KAT6B: variants seen among roughly 807,000 people sequenced by gnomAD.
KAT6B encodes the protein histone acetyltransferase KAT6B.
Under a neutral mutation model 187.5 loss-of-function variants are expected in KAT6B, and 10 were observed. That is an observed-to-expected ratio of 0.05 (90% CI 0.03 to 0.09). The LOEUF (loss-of-function observed/expected upper bound fraction) is 0.09. Among genes scored for constraint, KAT6B ranks in the 10% least tolerant of loss-of-function variants. The pLI, the probability that KAT6B is intolerant of heterozygous loss-of-function variation, is 1.00. For synonymous variants in KAT6B, 861 were observed against 926.8 expected (o/e 0.93, Z 1.29); for missense variants, 1,952 against 2,558.9 (o/e 0.76, Z 5.12).
intron 3 of KAT6B, among the ~76,000 whole-genome samples, chr10:74,851,419 C>T (rs1260860100): frequency 7.3e-5 from 11 of 151,718 alleles, no homozygotes; most frequent in South Asian, 2.1e-4. Context: ...CTACAACCTC[C>T]GCCTCCCTGG....
intron 3 of KAT6B, among the ~76,000 whole-genome samples, chr10:74,848,470 A>C (rs1348082321): frequency 2.0e-5 from 3 of 152,036 alleles, no homozygotes; most frequent in Admixed American, 2.0e-4. Context: ...GAGGCACTGC[A>C]CTCCAGCCTG....
At chr10:74,838,144 A>G (rs1031397187) in intron 1 of KAT6B, among the ~76,000 whole-genome samples, 1 of 152,200 alleles carries the variant, frequency 6.6e-6, no homozygotes, top group Non-Finnish European at 1.5e-5. Flanking sequence ...GTGTCAATAC[A>G]TATTTACTAT....
chr10:74,941,429 A>G (rs1849661463), intron 3 of KAT6B, among the ~76,000 whole-genome samples: 1 of 152,226 alleles, frequency 6.6e-6, no homozygotes, highest in African/African-American at 2.4e-5. Context: ...AAATTTAGAA[A>G]TCTGTAGCTA....
At chr10:74,970,705 A>G (rs1165514403) in intron 6 of KAT6B, among the ~76,000 whole-genome samples, 1 of 152,208 alleles carries the variant, frequency 6.6e-6, no homozygotes, top group Admixed American at 6.5e-5. Flanking sequence ...TATAAAATCC[A>G]TAATTTACAT....
rs1390141952 is a variant in KAT6B, at chr10:75,029,393, C to A, written c.4569C>A (p.Val1523=). The stretch of plus-strand genomic sequence containing the variant: ...AGGACCAAAAGAACAGCAAGGAAGT[C>A]GATACAGAGTTCAAAGAGGGAAACC... ...QKQDQKNSKE[V]DTEFKEGNPA... The change falls in exon 18 of 18, where the codon GTC becomes GTA. Residue 1523 remains valine (V), a synonymous_variant. Transcript: ENST00000287239. This position sits in a 1 kb window ranked among gnomAD's most constrained non-coding sequence, Gnocchi z 6.2. 1.2e-6 allele frequency: 2 copies of A among 1,613,904 alleles called. No individual in the cohort carries two copies. The highest frequency in any genetic ancestry group is 2.7e-5 in the African/African-American group (2 of 74,856).
intron 4 of KAT6B, among the ~76,000 whole-genome samples, chr10:74,960,721 A>C (rs1841042833): frequency 6.6e-6 from 1 of 152,184 alleles, no homozygotes; most frequent in African/African-American, 2.4e-5. Flanking sequence ...CCTCATTAGA[A>C]AATTAGAGAT....
chr10:74,900,463 G>C (rs1308030609), intron 3 of KAT6B, among the ~76,000 whole-genome samples: 2 of 152,218 alleles, frequency 1.3e-5, no homozygotes, highest in African/African-American at 4.8e-5. Context: ...TGGCTGTCTT[G>C]TTGGGGGTGG....
chr10:75,003,953 A>G (rs377199536), intron 13 of KAT6B, among the ~76,000 whole-genome samples: 3 of 152,308 alleles, frequency 2.0e-5, no homozygotes. Context: ...AACATTGTAA[A>G]TATGAAACAT....
At position 75,025,220 on chromosome 10, in the gene KAT6B, A is replaced by C; in HGVS notation, c.3635A>C (p.His1212Pro). 1 of 1,614,222 alleles carries C rather than the reference A, an allele frequency of 6.2e-7. No individual in the cohort carries two copies. Among genetic ancestry groups the C allele is most frequent in the Non-Finnish European group, 8.5e-7 (1 of 1,180,044 alleles). ...QTEEEEGKDN[H>P]CFKNADPCRN... ...GAGGAAGAGGAAGGAAAAGACAATCATTGCTTCAAGAATGCTGACCCTTGT... is the reference window on the plus strand; with the variant it reads ...GAGGAAGAGGAAGGAAAAGACAATCCTTGCTTCAAGAATGCTGACCCTTGT... The change falls in exon 17 of 18, where the codon CAT (histidine) becomes CCT (proline). Residue 1212 changes from histidine to proline, a missense_variant. Transcript: ENST00000287239.
intron 1 of KAT6B, among the ~76,000 whole-genome samples, chr10:74,835,076 G>A (rs1841184765): frequency 6.6e-6 from 1 of 152,158 alleles, no homozygotes; most frequent in South Asian, 2.1e-4. Flanking sequence ...TAGTCTAGTA[G>A]GGGTGACAAG....
chr10:74,826,219 A>C (rs1443971251), upstream of KAT6B, among the ~76,000 whole-genome samples: 1 of 151,384 alleles, frequency 6.6e-6, no homozygotes, highest in Non-Finnish European at 1.5e-5. Context: ...CTCTGCTGCG[A>C]GTAGACCCAA....
At chr10:74,833,263 A>G (rs1305618342) in intron 1 of KAT6B, among the ~76,000 whole-genome samples, 2 of 152,274 alleles carry the variant, frequency 1.3e-5, no homozygotes, top group East Asian at 1.9e-4. Context: ...AGGAATTTTT[A>G]AATGCCAAAA....
At chr10:74,835,568 CTG>C (rs1233234892) in intron 1 of KAT6B, among the ~76,000 whole-genome samples, 1 of 152,156 alleles carries the variant, frequency 6.6e-6, no homozygotes, top group African/African-American at 2.4e-5. Context: ...TTGAAAACCT[CTG>C]GAGAGACAGA....
rs1432825655 is a variant in KAT6B at position 75,030,475 on chromosome 10, T to A, written c.5651T>A (p.Leu1884Gln). The change falls in exon 18 of 18, where the codon CTG becomes CAG. Residue 1884 changes from leucine to glutamine, a missense_variant. This residue lies in a region of KAT6B where 358 missense variants were observed against 436.3 expected (regional missense o/e 0.82). Coordinates refer to ENST00000287239, the MANE Select transcript of KAT6B (RefSeq NM_012330.4). This position sits in a 1 kb window ranked among gnomAD's most constrained non-coding sequence, Gnocchi z 4.8. ...AQATMTPPPN[L>Q]TPPPMNLPPP... ...GCTACCATGACCCCACCCCCCAACC[T>A]GACTCCTCCTCCAATGAATCTGCCG... 6.2e-7 allele frequency: 1 copy of A among 1,612,920 alleles called. No individual in the cohort carries two copies.
chr10:74,852,191 A>C (rs1358698601), intron 3 of KAT6B, among the ~76,000 whole-genome samples: 1 of 152,146 alleles, frequency 6.6e-6, no homozygotes, highest in Non-Finnish European at 1.5e-5. Flanking sequence ...TTTCCTTTGA[A>C]TTGGTATCCT....
At chr10:74,977,681 T>G (rs1004197933) in intron 9 of KAT6B, among the ~76,000 whole-genome samples, 1 of 152,212 alleles carries the variant, frequency 6.6e-6, no homozygotes, top group African/African-American at 2.4e-5. Flanking sequence ...TAGCATTAGT[T>G]GAGGCAGATT....
intron 12 of KAT6B, among the ~76,000 whole-genome samples, chr10:74,988,793 G>A (rs1377644890): frequency 6.6e-6 from 1 of 152,116 alleles, no homozygotes; most frequent in Non-Finnish European, 1.5e-5. Flanking sequence ...ATATTTTATG[G>A]CACTGACTTT....
intron 3 of KAT6B, among the ~76,000 whole-genome samples, chr10:74,887,458 G>A (rs1845362176): frequency 6.6e-6 from 1 of 152,164 alleles, no homozygotes; most frequent in Admixed American, 6.5e-5. Flanking sequence ...CTGAGTAGCT[G>A]AGATTACAGG....
intron 13 of KAT6B, among the ~76,000 whole-genome samples, chr10:75,000,524 C>A (rs931172542): frequency 6.6e-6 from 1 of 152,016 alleles, no homozygotes; most frequent in Non-Finnish European, 1.5e-5. Context: ...GTGTAACTAA[C>A]GCTATAAAGG....
Sources: allele counts gnomAD v4.1 joint callset (sites outside exome capture counted in the v4.1 genomes callset), GRCh38; gene constraint gnomAD v4.1.1; regional missense constraint gnomAD v4.1.1; non-coding constraint Gnocchi (gnomAD v3.1); transcripts MANE v1.5; gene names NCBI Gene and HGNC (gene_info 2026-07-23, HGNC 2026-07-21).